The following ZNF451 variants were observed in gnomAD, a reference collection of about 807,000 sequenced individuals.
The protein encoded by ZNF451 is E3 SUMO-protein ligase ZNF451.
Under a neutral mutation model 107.1 loss-of-function variants are expected in ZNF451, and 80 were observed. The ratio of observed to expected loss-of-function variants is 0.75; its 90% CI spans 0.62 to 0.90. The LOEUF (loss-of-function observed/expected upper bound fraction) is 0.90. Among genes scored for constraint, ZNF451 ranks in the 40% least tolerant of loss-of-function variants. The probability of loss-of-function intolerance (pLI) is 0.00; values close to 1 mark genes in which losing one functional copy is unlikely to be tolerated. For synonymous variants in ZNF451, 362 were observed against 406.5 expected (o/e 0.89, Z 1.32); for missense variants, 1,107 against 1,236.2 (o/e 0.90, Z 1.57).
At chr6:57,167,989 A>G (rs906411399) in intron 14 of ZNF451, among the ~76,000 whole-genome samples, 2 of 152,204 alleles carry the variant, frequency 1.3e-5, no homozygotes, top group African/African-American at 4.8e-5. Flanking sequence ...TTATTGAGGT[A>G]TAATTAAAAA....
intron 3 of ZNF451, among the ~76,000 whole-genome samples, chr6:57,118,595 G>T (rs1030787313): frequency 6.6e-6 from 1 of 152,048 alleles, no homozygotes. Context: ...CAATCCTCCT[G>T]CCTCAGCCTC....
chr6:57,107,169 A>G, intron 3 of ZNF451: 1 of 985,188 alleles, frequency 1.0e-6, no homozygotes, highest in South Asian at 4.7e-5. Context: ...TGTCCTTTTG[A>G]TGTTGTTAGC....
intron 3 of ZNF451, among the ~76,000 whole-genome samples, chr6:57,122,520 G>T (rs904148569): frequency 6.6e-6 from 1 of 152,020 alleles, no homozygotes; most frequent in Non-Finnish European, 1.5e-5. Context: ...GGACTTAAAT[G>T]AATCAACAAG....
chr6:57,165,749 G>A (rs1267308010), intron 14 of ZNF451: 1 of 152,164 alleles, frequency 6.6e-6, no homozygotes, highest in Non-Finnish European at 1.5e-5. Context: ...GCTATATCAT[G>A]TAGCCTGTTG....
Position 57,147,094 on chromosome 6 carries a change from C to T in ZNF451, c.1009C>T (p.His337Tyr), listed in dbSNP as rs748255103. The T allele has an allele frequency of 7.5e-6, 12 of 1,596,316 alleles. No individual in the cohort carries two copies. Among genetic ancestry groups the T allele is most frequent in the Non-Finnish European group, 8.5e-6 (10 of 1,170,942 alleles). ...ATTTCTTTTTATCTAATTTAGAGTTCATTGTCGAAATGCTGGACCTGTAGC... is the reference window on the plus strand; with the variant it reads ...ATTTCTTTTTATCTAATTTAGAGTTTATTGTCGAAATGCTGGACCTGTAGC... ...HMELTAHFRV[H>Y]CRNAGPVAVA... The change falls in exon 10 of 15, where the codon CAT becomes TAT. Residue 337 changes from histidine to tyrosine, a missense_variant. Physicochemically the swap from His to Tyr is moderately conservative, Grantham distance 83 (BLOSUM62 2). Around this residue, in one of 5 missense-constraint regions of ZNF451, gnomAD observed 339 missense variants for 372.8 expected, o/e 0.91. Transcript: ENST00000370706.
chr6:57,138,731 ATATATATATATGTGTGTG>A (rs1367481724), intron 7 of ZNF451, among the ~76,000 whole-genome samples: 1 of 113,292 alleles, frequency 8.8e-6, no homozygotes, highest in African/African-American at 3.3e-5. Flanking sequence ...ATATATATAT[ATATATATATATGTGTGTG>A]TGTGTGTGTG....
chr6:57,107,192 C>A lies in ZNF451; in HGVS notation c.186+8051C>A, dbSNP rs567734710. ...TGATGTTGTTAGCATATCAGTTATT[C>A]TATGTATTGATCTTTTCTTCTCCTG... On this transcript the variant is annotated intron_variant, in intron 3 of 14. Transcript: ENST00000370706. 3.8e-5 allele frequency: 37 copies of A among 985,194 alleles called. No homozygotes were observed. The African/African-American group carries it at 5.6e-4, about 15-fold the overall frequency. 61.0% of individuals were successfully genotyped at this position (985,194 alleles called of 1,614,324 possible).
rs57137875 is a variant in ZNF451 at position 57,141,534 on chromosome 6, G to C, written c.856+79G>C. 2.3e-3 allele frequency: 2,944 copies of C among 1,278,112 alleles called. 49 individuals carry two copies. In the African/African-American group the frequency reaches 0.039, roughly 17 times the overall value. 79.2% of individuals were successfully genotyped at this position (1,278,112 alleles called of 1,614,324 possible). On this transcript the variant is annotated intron_variant, in intron 8 of 14. Transcript: ENST00000370706. ...TTATCATACTTCTCAGATCATTCTTGAGATTACATATCCTCATCTTAGTTT... is the reference window on the plus strand; with the variant it reads ...TTATCATACTTCTCAGATCATTCTTCAGATTACATATCCTCATCTTAGTTT...
intron 5 of ZNF451, among the ~76,000 whole-genome samples, chr6:57,132,760 C>T (rs953874040): frequency 6.6e-5 from 10 of 151,372 alleles, no homozygotes; most frequent in African/African-American, 1.2e-4. Context: ...GTAGTTTGAG[C>T]GACAGCAGGA....
At chr6:57,164,866 G>GAA (rs1763827782) in intron 14 of ZNF451, 1 of 152,124 alleles carries the variant, frequency 6.6e-6, no homozygotes, top group South Asian at 2.1e-4. Flanking sequence ...CCACAGAATA[G>GAA]AAAAACAAAG....
At chr6:57,113,672 A>G (rs1425948458) in intron 3 of ZNF451, among the ~76,000 whole-genome samples, 2 of 144,502 alleles carry the variant, frequency 1.4e-5, no homozygotes, top group Non-Finnish European at 3.0e-5. Flanking sequence ...CCCAGGCTGG[A>G]GTGCAGTGGT....
At chr6:57,161,232 C>T in intron 14 of ZNF451, 80 bp downstream of exon 14, 2 of 778,290 alleles carry the variant, frequency 2.6e-6, no homozygotes, top group South Asian at 6.4e-5. Context: ...CTCACCCATT[C>T]ACCCCTCTTA....
At chr6:57,129,310 C>T (rs1034643353) in intron 5 of ZNF451, among the ~76,000 whole-genome samples, 9 of 152,098 alleles carry the variant, frequency 5.9e-5, no homozygotes, top group South Asian at 4.1e-4. Flanking sequence ...GTAGCTTCTT[C>T]GTTACTAACT....
intron 3 of ZNF451, chr6:57,103,172 A>G (rs1829688772): frequency 1.0e-6 from 1 of 985,308 alleles, no homozygotes; most frequent in South Asian, 4.7e-5. Context: ...CATGCCTGAC[A>G]ATCTTGTCCC....
chr6:57,107,733 T>G, intron 3 of ZNF451: 1 of 985,464 alleles, frequency 1.0e-6, no homozygotes, highest in East Asian at 1.1e-4. Flanking sequence ...TCAGGCTGTC[T>G]GTATTTTCTT....
chr6:57,137,059 T>G (rs1831465276), intron 7 of ZNF451, among the ~76,000 whole-genome samples: 1 of 152,232 alleles, frequency 6.6e-6, no homozygotes. Flanking sequence ...GTTATGCTTA[T>G]GTACGAGATT....
intron 2 of ZNF451, chr6:57,092,793 G>T: frequency 6.6e-6 from 1 of 152,048 alleles, no homozygotes; most frequent in South Asian, 2.1e-4. Context: ...AGTCCACTTG[G>T]TGGCCCAGGA....
intron 10 of ZNF451, chr6:57,150,511 T>C: frequency 2.4e-6 from 1 of 414,132 alleles, no homozygotes; most frequent in Non-Finnish European, 4.1e-6. Flanking sequence ...TAACCAAAAT[T>C]GGTGAAATGT....
At chr6:57,096,552 T>C (rs966193175) in intron 2 of ZNF451, among the ~76,000 whole-genome samples, 1 of 143,018 alleles carries the variant, frequency 7.0e-6, no homozygotes, top group African/African-American at 2.6e-5. Context: ...TTCATCTTCT[T>C]CTTTACTTTC....
Sources: gnomAD v4.1 joint callset for allele counts (sites outside exome capture counted in the v4.1 genomes callset) on GRCh38, gnomAD v4.1.1 for gene constraint, gnomAD v4.1.1 regional missense constraint, MANE v1.5 for transcripts, NCBI Gene and HGNC (gene_info 2026-07-23, HGNC 2026-07-21) for gene names.